CACNA1E: variants seen among roughly 807,000 people sequenced by gnomAD.
The protein encoded by CACNA1E is calcium voltage-gated channel subunit alpha1 E.
A neutral mutation model predicts 259.2 loss-of-function variants in CACNA1E; 40 were observed. The observed-to-expected ratio is 0.15, with a 90% CI of 0.12 to 0.20. The LOEUF (loss-of-function observed/expected upper bound fraction) is 0.20, where lower values mean the gene tolerates loss of function less well. Ranked by LOEUF, CACNA1E falls within the 10% of genes least tolerant of loss-of-function variation. CACNA1E has a pLI of 1.00. For missense variants in CACNA1E, 1,874 were observed against 3,040.1 expected (o/e 0.62, Z 9.02); for synonymous variants, 1,104 against 1,138.5 (o/e 0.97, Z 0.61).
intron 2 of CACNA1E, among the ~76,000 whole-genome samples, chr1:181,453,672 G>A (rs4126693): frequency 0.43 from 64,599 of 151,750 alleles, 15,214 homozygotes; most frequent in African/African-American, 0.65. Flanking sequence ...GCAGAATCCC[G>A]CAGTGGACAG....
chr1:181,763,371 T>G (rs1432813638), intron 33 of CACNA1E, 35 bp from the exon 34 acceptor site: 4 of 1,530,582 alleles, frequency 2.6e-6, no homozygotes, highest in East Asian at 4.6e-5. Flanking sequence ...ATCACCATAA[T>G]GTTCCTAATT....
intron 1 of CACNA1E, among the ~76,000 whole-genome samples, chr1:181,494,578 A>G (rs946944165): frequency 8.5e-5 from 13 of 152,212 alleles, no homozygotes; most frequent in Admixed American, 7.2e-4. Context: ...TTGAGCATCT[A>G]CCAAATTTCA....
chr1:181,795,611 T>G (rs1661723899), intron 46 of CACNA1E, among the ~76,000 whole-genome samples: 1 of 151,650 alleles, frequency 6.6e-6, no homozygotes, highest in African/African-American at 2.4e-5. Flanking sequence ...CGGCTAATTT[T>G]TTGTATTTTT....
chr1:181,769,738 A>C (rs998169462), intron 35 of CACNA1E, among the ~76,000 whole-genome samples: 1 of 152,206 alleles, frequency 6.6e-6, no homozygotes, highest in African/African-American at 2.4e-5. Context: ...TACCTCCAGA[A>C]GTGTCATAGG....
At chr1:181,450,514 G>C (rs1661093159) in intron 2 of CACNA1E, among the ~76,000 whole-genome samples, 1 of 152,088 alleles carries the variant, frequency 6.6e-6, no homozygotes, top group African/African-American at 2.4e-5. Flanking sequence ...AGGCAGAATA[G>C]ATGGCATGGG....
intron 7 of CACNA1E, among the ~76,000 whole-genome samples, chr1:181,685,991 G>A (rs1390401281): frequency 6.6e-6 from 1 of 152,096 alleles, no homozygotes; most frequent in East Asian, 1.9e-4. Flanking sequence ...AAGGCTCTCA[G>A]GGAGCACTTT....
At position 181,362,444 on chromosome 1, in the gene CACNA1E, C is replaced by T. The variant is rs371545223; in HGVS notation, c.-15+44321C>T. ...AGGCTTCATCTGGCCTTGGCTTTGTCGGTCCATAGGTATGTAGTCTCCAGT... is the reference window on the plus strand; with the variant it reads ...AGGCTTCATCTGGCCTTGGCTTTGTTGGTCCATAGGTATGTAGTCTCCAGT... On this transcript the variant is annotated intron_variant, in intron 1 of 11. Transcript: ENST00000524607. Among the ~76,000 whole-genome samples the T allele has an allele frequency of 1.3e-4, 20 of 152,304 alleles. 1 individual carries two copies. Among genetic ancestry groups the T allele is most frequent in the Admixed American group, 4.6e-4 (7 of 15,300 alleles).
At chr1:181,673,154 A>C (rs1054478122) in intron 7 of CACNA1E, among the ~76,000 whole-genome samples, 3 of 152,232 alleles carry the variant, frequency 2.0e-5, no homozygotes, top group African/African-American at 7.2e-5. Context: ...GCCCTGCTCC[A>C]CCAAGCAACT....
intron 38 of CACNA1E, chr1:181,779,605 C>A: frequency 2.7e-6 from 1 of 364,732 alleles, no homozygotes; most frequent in Non-Finnish European, 5.6e-6. Flanking sequence ...CCTCTCTGTC[C>A]TCTGCTCCAC....
At chr1:181,474,230 G>A (rs1007416268) in intron 2 of CACNA1E, among the ~76,000 whole-genome samples, 11 of 152,176 alleles carry the variant, frequency 7.2e-5, no homozygotes, top group African/African-American at 2.7e-4. Flanking sequence ...ATATGATCCA[G>A]TGATGGGGTG....
intron 2 of CACNA1E, among the ~76,000 whole-genome samples, chr1:181,461,201 G>C (rs1306476744): frequency 2.6e-5 from 4 of 152,160 alleles, no homozygotes; most frequent in African/African-American, 9.7e-5. Context: ...GGTCAAAACA[G>C]TATCGGTTTA....
At chr1:181,640,096 A>G (rs1170507227) in intron 6 of CACNA1E, among the ~76,000 whole-genome samples, 5 of 152,202 alleles carry the variant, frequency 3.3e-5, no homozygotes, top group African/African-American at 7.2e-5. Flanking sequence ...ATTATATGGC[A>G]CTACGGGAAG....
At chr1:181,757,801 T>C in intron 30 of CACNA1E, 146 bp from the exon 31 acceptor site, 1 of 788,330 alleles carries the variant, frequency 1.3e-6, no homozygotes, top group East Asian at 2.5e-5. Context: ...TGTAGTTTTG[T>C]CCAAGTGACC....
At chr1:181,592,081 C>T (rs1054663270) in intron 6 of CACNA1E, among the ~76,000 whole-genome samples, 3 of 152,154 alleles carry the variant, frequency 2.0e-5, no homozygotes, top group Non-Finnish European at 2.9e-5. Context: ...GTCGCCTTCT[C>T]CACAGAGCCT....
At chr1:181,635,412 C>T (rs1657118743) in intron 6 of CACNA1E, among the ~76,000 whole-genome samples, 1 of 152,186 alleles carries the variant, frequency 6.6e-6, no homozygotes, top group Non-Finnish European at 1.5e-5. Flanking sequence ...CCATCTCTCC[C>T]CACAGCCTTC....
intron 3 of CACNA1E, among the ~76,000 whole-genome samples, chr1:181,517,447 CACT>C (rs1192639785): frequency 6.6e-6 from 1 of 152,040 alleles, no homozygotes; most frequent in Non-Finnish European, 1.5e-5. Context: ...GCAGGGGGTT[CACT>C]ATTTCACTGT....
At chr1:181,599,424 G>T (rs564802636) in intron 6 of CACNA1E, among the ~76,000 whole-genome samples, 23 of 152,260 alleles carry the variant, frequency 1.5e-4, no homozygotes, top group African/African-American at 5.3e-4. Flanking sequence ...AATGCCTACT[G>T]ATCCCTCAAG....
intron 4 of CACNA1E, 117 bp from the exon 5 acceptor site, chr1:181,578,955 A>G: frequency 2.5e-6 from 2 of 797,508 alleles, no homozygotes; most frequent in Non-Finnish European, 3.8e-6. Context: ...AATAAATTTA[A>G]TCTATCAGAG....
intron 6 of CACNA1E, among the ~76,000 whole-genome samples, chr1:181,612,136 G>A (rs755607574): frequency 5.3e-5 from 8 of 152,210 alleles, no homozygotes; most frequent in Non-Finnish European, 1.0e-4. Context: ...ACCTATGGAA[G>A]CAAGGGAAAG....
Sources: gnomAD v4.1 joint callset for allele counts (sites outside exome capture counted in the v4.1 genomes callset) on GRCh38, gnomAD v4.1.1 for gene constraint, MANE v1.5 for transcripts, NCBI Gene and HGNC (gene_info 2026-07-23, HGNC 2026-07-21) for gene names.